The following FAM117A variants were observed in gnomAD, a reference collection of about 807,000 sequenced individuals.
FAM117A encodes the protein protein FAM117A.
FAM117A carries 21 observed loss-of-function variants against 44.1 expected under a neutral mutation model. That is an observed-to-expected ratio of 0.48 (90% CI 0.34 to 0.69). The LOEUF is 0.69. Among genes scored for constraint, FAM117A ranks in the 30% least tolerant of loss-of-function variants. FAM117A has a pLI of 0.01. For synonymous variants in FAM117A, 220 were observed against 238.3 expected, an observed-to-expected ratio of 0.92 and a Z score of 0.71; for missense variants, 498 against 589.9, an observed-to-expected ratio of 0.84 and a Z score of 1.61.
intron 1 of FAM117A, among the ~76,000 whole-genome samples, chr17:49,751,431 T>C (rs1374030252): frequency 6.6e-6 from 1 of 151,398 alleles, no homozygotes; most frequent in Non-Finnish European, 1.5e-5. Flanking sequence ...AATACAAAAA[T>C]TAGCTGGGCA....
intron 1 of FAM117A, among the ~76,000 whole-genome samples, chr17:49,762,734 C>T (rs1408556634): frequency 1.3e-5 from 2 of 152,214 alleles, no homozygotes; most frequent in Non-Finnish European, 2.9e-5. Flanking sequence ...GAGGCTCCGG[C>T]TTTGGAAGTG....
Position 49,711,235 on chromosome 17 carries a change from G to A in FAM117A, c.*20C>T, listed in dbSNP as rs760220672. On this transcript the variant is annotated 3_prime_UTR_variant, in exon 8 of 8. Coordinates refer to ENST00000240364, the MANE Select transcript of FAM117A (RefSeq NM_030802.4). ...CCAAGGCACTGGTCTCTATGGTAAAGTGGGGCAGGGGTGGGACCCTCAGAC... is the reference window on the plus strand; with the variant it reads ...CCAAGGCACTGGTCTCTATGGTAAAATGGGGCAGGGGTGGGACCCTCAGAC... 4 of 1,570,870 alleles carry A rather than the reference G, an allele frequency of 2.5e-6. No homozygotes were observed. The highest frequency in any genetic ancestry group is 3.5e-6 in the Non-Finnish European group (4 of 1,157,396).
At chr17:49,764,201 C>T, upstream of FAM117A, 3 of 503,818 alleles carry the variant, frequency 6.0e-6, no homozygotes, top group Non-Finnish European at 3.2e-6. Flanking sequence ...CATCCTAGAG[C>T]TGTCATTGGA....
chr17:49,788,089 C>T (rs1330442048), intron 1 of FAM117A, among the ~76,000 whole-genome samples: 1 of 152,192 alleles, frequency 6.6e-6, no homozygotes, highest in African/African-American at 2.4e-5. Flanking sequence ...TTGCCTCCTC[C>T]CCGCGACATC....
At chr17:49,786,987 G>A (rs929488441) in intron 1 of FAM117A, among the ~76,000 whole-genome samples, 1 of 152,076 alleles carries the variant, frequency 6.6e-6, no homozygotes, top group Non-Finnish European at 1.5e-5. Context: ...GGGAGGCTGA[G>A]GCAAGAGAAT....
intron 1 of FAM117A, among the ~76,000 whole-genome samples, chr17:49,783,209 G>A (rs2073794967): frequency 6.6e-6 from 1 of 152,166 alleles, no homozygotes; most frequent in Non-Finnish European, 1.5e-5. Context: ...ACAACATCTT[G>A]TAACTATAAC....
Position 49,732,612 on chromosome 17 carries a change from C to T in FAM117A, c.305G>A (p.Gly102Asp). The change falls in exon 2 of 8, where the codon GGC (glycine) becomes GAC (aspartate). Residue 102 changes from glycine (G) to aspartate (D), a missense_variant. Gly to Asp is a moderately conservative substitution (Grantham distance 94). Transcript: ENST00000240364. ...CCCATCAGCATCTCGTGGCCACTGG[C>T]CCAGAAGGTAGGAGCTGAGGATGGT... ...LDTILSSYLL[G>D]QWPRDADGAF... 4 of 1,614,098 alleles carry T rather than the reference C, an allele frequency of 2.5e-6. No homozygotes were observed. Among genetic ancestry groups the T allele is most frequent in the Non-Finnish European group, 3.4e-6 (4 of 1,180,018 alleles).
chr17:49,764,431 A>T (rs2073738055), upstream of FAM117A, among the ~76,000 whole-genome samples: 1 of 151,978 alleles, frequency 6.6e-6, no homozygotes, highest in Non-Finnish European at 1.5e-5. Context: ...GGAGCGTCAC[A>T]CCCAGTCCCA....
chr17:49,720,077 G>T, intron 4 of FAM117A, 183 bp from the exon 5 acceptor site: 1 of 816,308 alleles, frequency 1.2e-6, no homozygotes, highest in Non-Finnish European at 1.9e-6. Flanking sequence ...TTTGAGCTTT[G>T]CAGAGTCTAC....
chr17:49,767,909 A>T (rs1281980035), upstream of FAM117A, among the ~76,000 whole-genome samples: 1 of 150,602 alleles, frequency 6.6e-6, no homozygotes, highest in Non-Finnish European at 1.5e-5. Flanking sequence ...TAAAAATAAT[A>T]ATAAAAAAAA....
chr17:49,720,864 A>G (rs899144526), intron 3 of FAM117A, among the ~76,000 whole-genome samples: 2 of 151,906 alleles, frequency 1.3e-5, no homozygotes, highest in African/African-American at 4.8e-5. Context: ...ACAGGCACCC[A>G]CCATCACCCC....
rs76591472 is a variant in FAM117A at position 49,781,794 on chromosome 17, T to C, written c.-621+6703A>G. ...GAGTTTGAGACCAGCCTAGGTAACA[T>C]AGTGAGACCCCGATCTCTACAGAAA... On this transcript the variant is annotated intron_variant, in intron 1 of 7. Transcript: ENST00000513602. 8.7e-3 allele frequency among the ~76,000 whole-genome samples: 1,320 copies of C among 151,880 alleles called. 17 individuals carry two copies. The highest frequency in any genetic ancestry group is 0.029 in the African/African-American group (1,217 of 41,368).
chr17:49,752,356 C>T (rs887492854), intron 1 of FAM117A, among the ~76,000 whole-genome samples: 23 of 152,144 alleles, frequency 1.5e-4, no homozygotes, highest in African/African-American at 5.6e-4. Context: ...GATCCTGCGC[C>T]CCCCAGGCTT....
rs751930234 is a variant in FAM117A at position 49,732,734 on chromosome 17, C to G, written c.197-14G>C. The G allele has an allele frequency of 6.2e-7, 1 of 1,610,372 alleles. No individual in the cohort carries two copies. The highest frequency in any genetic ancestry group is 1.1e-5 in the South Asian group (1 of 90,396). On this transcript the variant is annotated splice_polypyrimidine_tract_variant and intron_variant, in intron 1 of 7. Coordinates refer to ENST00000240364, the MANE Select transcript of FAM117A (RefSeq NM_030802.4). ...ATGGGACGCTGGCTGCAAGAGAACA[C>G]AGCCCGCACGCCTTGCCATCAGCAT...
chr17:49,771,727 G>T (rs1031624966), intron 1 of FAM117A, among the ~76,000 whole-genome samples: 1 of 152,164 alleles, frequency 6.6e-6, no homozygotes, highest in African/African-American at 2.4e-5. Flanking sequence ...GACTTTCCTA[G>T]GCACCCCCTC....
At chr17:49,760,413 C>T (rs2073718235) in intron 1 of FAM117A, among the ~76,000 whole-genome samples, 1 of 152,088 alleles carries the variant, frequency 6.6e-6, no homozygotes. Context: ...TATCACAACT[C>T]TTCACTCCAC....
chr17:49,764,346 C>G (rs1408421213), upstream of FAM117A, among the ~76,000 whole-genome samples: 2 of 152,178 alleles, frequency 1.3e-5, no homozygotes, highest in Admixed American at 1.3e-4. Context: ...TTTCCAACAT[C>G]CCAGGGGCTG....
upstream of FAM117A, chr17:49,788,934 T>G (rs2073844382): frequency 5.4e-6 from 7 of 1,306,658 alleles, no homozygotes; most frequent in Non-Finnish European, 7.2e-6. Flanking sequence ...CTCACAGTGC[T>G]TGGGTCCCAA....
Position 49,711,047 on chromosome 17 carries a change from G to C in FAM117A, c.*208C>G. ...ACAGGTGTGAATTGTGAGCTGCCCA[G>C]CTACTAGTGGAGAAGGCAGGTCCCA... On this transcript the variant is annotated 3_prime_UTR_variant, in exon 8 of 8. Transcript: ENST00000240364. 1 of 522,702 alleles carries C rather than the reference G, an allele frequency of 1.9e-6. No individual in the cohort carries two copies. Among genetic ancestry groups the C allele is most frequent in the Non-Finnish European group, 3.3e-6 (1 of 298,934 alleles). The allele number at this position is 522,702 out of a possible 1,614,324, so 32.4% of individuals were successfully genotyped here. A position where few individuals can be genotyped will look rare whatever the true frequency, so the allele number is the denominator to read the frequency against.
Sources: allele counts gnomAD v4.1 joint callset (sites outside exome capture counted in the v4.1 genomes callset), GRCh38; gene constraint gnomAD v4.1.1; transcripts MANE v1.5; gene names NCBI Gene and HGNC (gene_info 2026-07-23, HGNC 2026-07-21).